PCDH15: variants seen among roughly 807,000 people sequenced by gnomAD.
PCDH15 encodes protocadherin related 15.
A neutral mutation model predicts 178.5 loss-of-function variants in PCDH15; 129 were observed. The observed-to-expected ratio is 0.72, with a 90% CI of 0.63 to 0.84. PCDH15 has a LOEUF of 0.84. Among genes scored for constraint, PCDH15 ranks in the 40% least tolerant of loss-of-function variants. The pLI is 0.00. For missense variants in PCDH15, 2,230 were observed against 2,099.9 expected, an observed-to-expected ratio of 1.06 and a Z score of -1.21; for synonymous variants, 800 against 732.0, an observed-to-expected ratio of 1.09 and a Z score of -1.50.
intron 35 of PCDH15, among the ~76,000 whole-genome samples, chr10:53,814,972 A>G (rs1418491985): frequency 3.3e-5 from 5 of 151,908 alleles, no homozygotes; most frequent in Non-Finnish European, 5.9e-5. Context: ...CAAAAAAAAA[A>G]AAAAAAAAAT....
intron 1 of PCDH15, among the ~76,000 whole-genome samples, chr10:54,796,282 G>C (rs10825401): frequency 0.1 from 12,438 of 124,686 alleles, 720 homozygotes; most frequent in East Asian, 0.13. Flanking sequence ...ATGTATCTAT[G>C]TATCTATCTA....
chr10:54,018,914 AT>A (rs2092826246), intron 20 of PCDH15, among the ~76,000 whole-genome samples: 2 of 152,142 alleles, frequency 1.3e-5, no homozygotes, highest in African/African-American at 4.8e-5. Flanking sequence ...ACAACTGTGA[AT>A]AAAATATAAA....
chr10:55,341,776 TATATATATATATATATATATATA>T (rs1844568069), intron 2 of PCDH15, among the ~76,000 whole-genome samples: 1 of 10,600 alleles, frequency 9.4e-5, no homozygotes, highest in Non-Finnish European at 2.1e-4. Context: ...TATATATATA[TATATATATATATATATATATATA>T]TATATATTTT....
chr10:54,641,582 C>CCACACA (rs57194998), intron 2 of PCDH15, among the ~76,000 whole-genome samples: 2,356 of 148,756 alleles, frequency 0.016, 67 homozygotes, highest in African/African-American at 0.055. Flanking sequence ...TATGCAAACA[C>CCACACA]CACACACACA....
At chr10:55,446,317 A>ATATG (rs1227534372) in intron 2 of PCDH15, among the ~76,000 whole-genome samples, 1 of 151,624 alleles carries the variant, frequency 6.6e-6, no homozygotes, top group African/African-American at 2.4e-5. Flanking sequence ...ATGTGTATAT[A>ATATG]TATATATATA....
intron 2 of PCDH15, among the ~76,000 whole-genome samples, chr10:55,129,367 GA>G (rs1837985218): frequency 6.6e-6 from 1 of 152,084 alleles, no homozygotes; most frequent in Admixed American, 6.6e-5. Context: ...GAAGAACTGT[GA>G]AAGGCAGTAA....
intron 28 of PCDH15, among the ~76,000 whole-genome samples, chr10:53,847,415 A>G (rs894420022): frequency 3.3e-5 from 5 of 152,074 alleles, no homozygotes; most frequent in Non-Finnish European, 7.4e-5. Flanking sequence ...ACAGGCATAC[A>G]GTTCCTACTG....
At chr10:54,396,665 A>G (rs1405563090) in intron 3 of PCDH15, among the ~76,000 whole-genome samples, 1 of 152,162 alleles carries the variant, frequency 6.6e-6, no homozygotes, top group African/African-American at 2.4e-5. Context: ...ATGAAGGAAA[A>G]GGGCCACTTT....
At chr10:54,632,441 A>T (rs2093728722) in intron 2 of PCDH15, among the ~76,000 whole-genome samples, 1 of 152,146 alleles carries the variant, frequency 6.6e-6, no homozygotes, top group Non-Finnish European at 1.5e-5. Context: ...AAAGCATAAA[A>T]CATAAAATAA....
At chr10:53,903,147 C>T in intron 26 of PCDH15, 96 bp downstream of exon 26, 2 of 1,406,018 alleles carry the variant, frequency 1.4e-6, no homozygotes, top group African/African-American at 1.4e-5. Context: ...GTTTATACAG[C>T]ATAAGTATGC....
intron 2 of PCDH15, among the ~76,000 whole-genome samples, chr10:55,039,013 T>C (rs1840803842): frequency 6.6e-6 from 1 of 152,176 alleles, no homozygotes; most frequent in Non-Finnish European, 1.5e-5. Flanking sequence ...CGGTTCTAAA[T>C]TGTAAATGTG....
chr10:54,202,524 T>C (rs2050340000), intron 10 of PCDH15, among the ~76,000 whole-genome samples: 1 of 152,008 alleles, frequency 6.6e-6, no homozygotes, highest in Admixed American at 6.6e-5. Flanking sequence ...AAAAAGCAGA[T>C]TCCCTGGGCC....
chr10:54,176,869 T>C (rs148776611), intron 13 of PCDH15, among the ~76,000 whole-genome samples: 5 of 152,174 alleles, frequency 3.3e-5, no homozygotes, highest in Non-Finnish European at 7.4e-5. Flanking sequence ...TCTCAGTTTC[T>C]AACAAAGATA....
At chr10:55,319,682 G>C (rs1049897843), upstream of PCDH15, 20 of 152,158 alleles carry the variant, frequency 1.3e-4, no homozygotes, top group African/African-American at 4.1e-4. Flanking sequence ...AGTTGAGCAG[G>C]AAAAGAACAA....
At chr10:54,240,623 T>C (rs1242467238) in intron 8 of PCDH15, among the ~76,000 whole-genome samples, 4 of 133,102 alleles carry the variant, frequency 3.0e-5, no homozygotes, top group Non-Finnish European at 4.7e-5. Context: ...TTATTTTCTT[T>C]TGCTTTTTTT....
intron 3 of PCDH15, among the ~76,000 whole-genome samples, chr10:54,846,828 C>G (rs74138805): frequency 0.087 from 13,252 of 151,902 alleles, 641 homozygotes; most frequent in South Asian, 0.12. Context: ...CCTGACTAAC[C>G]CTTAAGGAAA....
chr10:54,454,122 T>G (rs997010593), intron 3 of PCDH15, among the ~76,000 whole-genome samples: 94 of 149,714 alleles, frequency 6.3e-4, no homozygotes, highest in African/African-American at 2.1e-3. Flanking sequence ...TAAAACAGAT[T>G]TATATAATTT....
intron 5 of PCDH15, among the ~76,000 whole-genome samples, chr10:54,362,072 A>G (rs1302224967): frequency 1.3e-5 from 2 of 152,098 alleles, no homozygotes; most frequent in South Asian, 2.1e-4. Context: ...TATAAGTACT[A>G]AGTAAGTTAT....
At chr10:54,231,888 C>G (rs1474305256) in intron 9 of PCDH15, among the ~76,000 whole-genome samples, 1 of 152,148 alleles carries the variant, frequency 6.6e-6, no homozygotes, top group Non-Finnish European at 1.5e-5. Flanking sequence ...GCCTGTACCC[C>G]CATTGTATCT....
Sources: allele counts gnomAD v4.1 joint callset (sites outside exome capture counted in the v4.1 genomes callset), GRCh38; gene constraint gnomAD v4.1.1; transcripts MANE v1.5; gene names NCBI Gene and HGNC (gene_info 2026-07-23, HGNC 2026-07-21).